Variants in NXN observed in about 807,000 individuals in gnomAD.
NXN encodes the protein nucleoredoxin 1.
In NXN, 16 loss-of-function variants were observed where a neutral mutation model predicts 48.6. The observed-to-expected ratio is 0.33, with a 90% confidence interval of 0.22 to 0.50. The LOEUF (loss-of-function observed/expected upper bound fraction) is 0.50. NXN is among the 20% of genes least tolerant of loss of function. The pLI, the probability that NXN is intolerant of heterozygous loss-of-function variation, is 0.98. For synonymous variants in NXN, 281 were observed against 269.6 expected, an observed-to-expected ratio of 1.04 and a Z score of -0.41; for missense variants, 492 against 605.5, an observed-to-expected ratio of 0.81 and a Z score of 1.97.
At chr17:816,842 C>T (rs1343845608) in intron 5 of NXN, among the ~76,000 whole-genome samples, 1 of 152,138 alleles carries the variant, frequency 6.6e-6, no homozygotes, top group Non-Finnish European at 1.5e-5. Flanking sequence ...ATTCAGCCAG[C>T]TATTCAGGAC....
chr17:879,035 G>T (rs536771016), intron 1 of NXN, among the ~76,000 whole-genome samples: 1 of 151,860 alleles, frequency 6.6e-6, no homozygotes, highest in Non-Finnish European at 1.5e-5. Flanking sequence ...TGTGGTGGCA[G>T]GCGCCTCTAA....
chr17:907,223 C>A (rs1349894074), intron 1 of NXN, among the ~76,000 whole-genome samples: 1 of 152,162 alleles, frequency 6.6e-6, no homozygotes, highest in Non-Finnish European at 1.5e-5. Flanking sequence ...CCCAACCTAT[C>A]TTGTTCCCTT....
At chr17:891,076 T>C (rs2068411554) in intron 1 of NXN, among the ~76,000 whole-genome samples, 1 of 151,974 alleles carries the variant, frequency 6.6e-6, no homozygotes, top group East Asian at 1.9e-4. Flanking sequence ...CCCATCCGTC[T>C]GTCCGTCCAT....
intron 1 of NXN, among the ~76,000 whole-genome samples, chr17:868,470 T>G (rs115500804): frequency 0.019 from 2,548 of 134,888 alleles, 59 homozygotes; most frequent in African/African-American, 0.08. Context: ...TCTTTTTTTG[T>G]TTTTTTTTTG....
At chr17:853,870 C>G (rs1309610301) in intron 1 of NXN, among the ~76,000 whole-genome samples, 1 of 151,682 alleles carries the variant, frequency 6.6e-6, no homozygotes, top group East Asian at 1.9e-4. Context: ...ATTACAGGCA[C>G]CCGCCACCAC....
chr17:939,071 G>C (rs1352675027), intron 1 of NXN, among the ~76,000 whole-genome samples: 1 of 151,834 alleles, frequency 6.6e-6, no homozygotes, highest in Non-Finnish European at 1.5e-5. Context: ...AAGAAAGAAA[G>C]AAAAGAACAA....
intron 1 of NXN, among the ~76,000 whole-genome samples, chr17:829,117 A>C (rs1913306771): frequency 6.7e-6 from 1 of 150,360 alleles, no homozygotes; most frequent in Non-Finnish European, 1.5e-5. Context: ...GGAAAAAATG[A>C]CAAGTCATTT....
intron 1 of NXN, chr17:896,860 C>A: frequency 5.3e-6 from 3 of 566,094 alleles, no homozygotes; most frequent in Non-Finnish European, 5.5e-6. Flanking sequence ...CCTGACCACC[C>A]GCCCCCGGCC....
At chr17:926,553 G>GTT (rs568417902) in intron 1 of NXN, among the ~76,000 whole-genome samples, 51 of 130,804 alleles carry the variant, frequency 3.9e-4, no homozygotes, top group East Asian at 1.1e-3. Context: ...TTGTTTTTTT[G>GTT]TTTTTTTTTT....
chr17:881,189 G>A (rs1360317415), intron 1 of NXN, among the ~76,000 whole-genome samples: 3 of 152,170 alleles, frequency 2.0e-5, no homozygotes, highest in Non-Finnish European at 4.4e-5. Context: ...TATCAAACCC[G>A]GGTGAGGACG....
chr17:886,705 G>A (rs998901941), intron 1 of NXN, among the ~76,000 whole-genome samples: 1 of 151,876 alleles, frequency 6.6e-6, no homozygotes, highest in Non-Finnish European at 1.5e-5. Flanking sequence ...TTCAACTCGG[G>A]AGGTGGAGCT....
At chr17:923,433 G>A (rs1454764081) in intron 1 of NXN, among the ~76,000 whole-genome samples, 1 of 152,162 alleles carries the variant, frequency 6.6e-6, no homozygotes, top group Admixed American at 6.6e-5. Context: ...TGAGACGGGA[G>A]GATTGCTTGA....
At chr17:871,668 G>C (rs1229593188) in intron 1 of NXN, among the ~76,000 whole-genome samples, 1 of 152,042 alleles carries the variant, frequency 6.6e-6, no homozygotes, top group Admixed American at 6.6e-5. Flanking sequence ...GCCTCCCAAA[G>C]TGCTGGGTAC....
intron 1 of NXN, among the ~76,000 whole-genome samples, chr17:914,191 C>T (rs936477341): frequency 6.0e-5 from 3 of 49,660 alleles, no homozygotes; most frequent in African/African-American, 1.4e-4. Context: ...CCCGCCACCA[C>T]GCCCAGCTAA....
At position 921,336 on chromosome 17, in the gene NXN, G is replaced by A. The variant is rs186815122; in HGVS notation, c.360+57983C>T. On this transcript the variant is annotated intron_variant, in intron 1 of 7. Coordinates refer to ENST00000336868, the MANE Select transcript of NXN (RefSeq NM_022463.5). ...CTCCTCCTACCCCGGCTCCCTCTCC[G>A]CACTCACAAGCCGGCTCTCAGCGGG... Among the ~76,000 whole-genome samples, 462 of 152,120 alleles carry A rather than the reference G, an allele frequency of 3.0e-3. 2 individuals carry two copies. Among genetic ancestry groups the A allele is most frequent in the Middle Eastern group, 0.024 (7 of 292 alleles).
At chr17:953,482 C>T (rs1166649695) in intron 1 of NXN, among the ~76,000 whole-genome samples, 1 of 152,164 alleles carries the variant, frequency 6.6e-6, no homozygotes, top group African/African-American at 2.4e-5. Context: ...TGCCCCACAC[C>T]CCCTGTCCCT....
At position 843,042 on chromosome 17, in the gene NXN, AAGAAAGAAAG is replaced by A. The variant is rs1247425517; in HGVS notation, c.361-16974_361-16965del. On this transcript the variant is annotated intron_variant, in intron 1 of 7. Transcript: ENST00000336868. ...AAAGAAAGAAAGAAAGAAAGAAAGA[AAGAAAGAAAG>A]AAAGAAGGAAGAAAGCAAGCAAGCA... Among the ~76,000 whole-genome samples, 565 of 143,264 alleles carry A rather than the reference AAGAAAGAAAG, an allele frequency of 3.9e-3. 2 individuals are homozygous for A. Among genetic ancestry groups the A allele is most frequent in the African/African-American group, 0.016 (546 of 34,886 alleles). The allele number at this position is 143,264 out of a possible 152,430, so 94.0% of individuals were successfully genotyped here. A position where few individuals can be genotyped will look rare whatever the true frequency, so the allele number is the denominator to read the frequency against.
chr17:842,992 G>A (rs1914431172), intron 1 of NXN, among the ~76,000 whole-genome samples: 1 of 109,302 alleles, frequency 9.1e-6, no homozygotes, highest in African/African-American at 4.0e-5. Flanking sequence ...GAGAAAGAGA[G>A]AAAGAGAGAA....
intron 1 of NXN, among the ~76,000 whole-genome samples, chr17:925,537 C>A (rs1266630911): frequency 6.6e-6 from 1 of 152,154 alleles, no homozygotes; most frequent in East Asian, 1.9e-4. Context: ...TACAGGCGCC[C>A]GCCACCATGT....
Sources: allele counts gnomAD v4.1 joint callset (sites outside exome capture counted in the v4.1 genomes callset), GRCh38; gene constraint gnomAD v4.1.1; transcripts MANE v1.5; gene names NCBI Gene and HGNC (gene_info 2026-07-23, HGNC 2026-07-21).